NIPSNAP1: variants seen among roughly 807,000 people sequenced by gnomAD.
The protein encoded by NIPSNAP1 is nipsnap homolog 1.
A neutral mutation model predicts 49.2 loss-of-function variants in NIPSNAP1; 25 were observed. The ratio of observed to expected loss-of-function variants is 0.51; its 90% CI spans 0.37 to 0.71. The LOEUF (loss-of-function observed/expected upper bound fraction) is 0.71, where lower values mean the gene tolerates loss of function less well. NIPSNAP1 is among the 30% of genes least tolerant of loss of function. NIPSNAP1 has a pLI of 0.00. For missense variants in NIPSNAP1, 294 were observed against 361.0 expected, an observed-to-expected ratio of 0.81 and a Z score of 1.50; for synonymous variants, 143 against 140.7, an observed-to-expected ratio of 1.02 and a Z score of -0.12.
At chr22:29,569,997 AAGAAAGAG>A (rs764709948) in intron 3 of NIPSNAP1, 157 bp downstream of exon 3, 56 of 688,610 alleles carry the variant, frequency 8.1e-5, no homozygotes, top group Middle Eastern at 7.6e-4. Context: ...CTCAAAAAAA[AAGAAAGAG>A]AGAAAGAAAG....
At chr22:29,577,054 A>G (rs2064458088) in intron 1 of NIPSNAP1, among the ~76,000 whole-genome samples, 1 of 150,786 alleles carries the variant, frequency 6.6e-6, no homozygotes, top group South Asian at 2.1e-4. Flanking sequence ...CCAGGTTTTG[A>G]TCCTAGCTCA....
At position 29,574,506 on chromosome 22, in the gene NIPSNAP1, C is replaced by T. The variant is rs113589301; in HGVS notation, c.99-3974G>A. 1.3e-3 allele frequency among the ~76,000 whole-genome samples: 190 copies of T among 150,746 alleles called. 3 individuals carry two copies. In the Middle Eastern group the frequency reaches 0.014, roughly 11 times the overall value. ...CAAAAAGACAATTATCAGCCTGGTG[C>T]GGTGGCTCATGCCTGTAATCCCAGC... On this transcript the variant is annotated intron_variant, in intron 1 of 9. Transcript: ENST00000216121.
chr22:29,564,028 A>G (rs1311282772), intron 4 of NIPSNAP1, among the ~76,000 whole-genome samples: 3 of 152,222 alleles, frequency 2.0e-5, no homozygotes, highest in Non-Finnish European at 4.4e-5. Flanking sequence ...CAGGAAACTA[A>G]TCTAATTCCT....
intron 8 of NIPSNAP1, among the ~76,000 whole-genome samples, chr22:29,559,358 T>C (rs1569244890): frequency 1.3e-5 from 2 of 152,002 alleles, no homozygotes; most frequent in East Asian, 1.9e-4. Context: ...CTGGCCAACA[T>C]AGCGAAACTC....
At chr22:29,559,654 G>A (rs1405946377) in intron 8 of NIPSNAP1, among the ~76,000 whole-genome samples, 2 of 151,918 alleles carry the variant, frequency 1.3e-5, no homozygotes, top group East Asian at 3.9e-4. Context: ...GCTCAAGCAC[G>A]AGCCTGGGAG....
intron 2 of NIPSNAP1, 35 bp from the exon 3 acceptor site, chr22:29,570,242 G>C (rs948664296): frequency 6.2e-7 from 1 of 1,612,056 alleles, no homozygotes; most frequent in African/African-American, 1.3e-5. Flanking sequence ...AAGTGAGGTA[G>C]GGTGTGTACA....
rs1161486745 is a variant in NIPSNAP1, at chr22:29,560,780, G to T, written c.660C>A (p.Gly220=). The part of the protein sequence containing the change: ...YRQENQEAVG[G]FFSQIGELYV... ...AGAGCTCTCCTATCTGTGAGAAGAA[G>T]CCGCCCACTGCCTCCTGGTTCTCCT... is the stretch of plus-strand genomic sequence containing the variant. The change falls in exon 8 of 10, where the codon GGC becomes GGA. Residue 220 remains glycine, a synonymous_variant. Transcript: ENST00000216121. The T allele has an allele frequency of 1.9e-6, 3 of 1,613,984 alleles. No homozygotes were observed. Among genetic ancestry groups the T allele is most frequent in the Non-Finnish European group, 2.5e-6 (3 of 1,180,030 alleles).
intron 4 of NIPSNAP1, among the ~76,000 whole-genome samples, chr22:29,568,178 C>CAAAAAAA (rs33974680): frequency 4.9e-5 from 2 of 40,630 alleles, no homozygotes; most frequent in Non-Finnish European, 7.9e-5. Context: ...GACCCTGTCT[C>CAAAAAAA]AAAAAAAAAA....
At chr22:29,569,106 A>C (rs1364959427) in intron 4 of NIPSNAP1, 87 bp downstream of exon 4, 1 of 1,004,908 alleles carries the variant, frequency 1.0e-6, no homozygotes, top group Non-Finnish European at 1.6e-6. Flanking sequence ...GCTGTTGTGG[A>C]GAGGGAGTGG....
At chr22:29,558,808 G>T in intron 9 of NIPSNAP1, 62 bp downstream of exon 9, 1 of 1,204,294 alleles carries the variant, frequency 8.3e-7, no homozygotes, top group Non-Finnish European at 1.2e-6. Flanking sequence ...AGATCTCCTT[G>T]CAGAGAGGAT....
chr22:29,576,766 A>C (rs1020984400), intron 1 of NIPSNAP1, among the ~76,000 whole-genome samples: 6 of 151,234 alleles, frequency 4.0e-5, no homozygotes, highest in African/African-American at 1.2e-4. Context: ...TGTACTAAAA[A>C]TACAAAAAAT....
intron 1 of NIPSNAP1, chr22:29,579,903 C>A: frequency 2.7e-6 from 1 of 374,774 alleles, no homozygotes; most frequent in Non-Finnish European, 5.2e-6. Context: ...CAGCTTTATC[C>A]CTAATTATTG....
intron 1 of NIPSNAP1, among the ~76,000 whole-genome samples, chr22:29,575,569 A>G (rs1056942210): frequency 6.6e-6 from 1 of 152,164 alleles, no homozygotes; most frequent in African/African-American, 2.4e-5. Flanking sequence ...GACCTCCCCA[A>G]GCCCTCTCTT....
intron 1 of NIPSNAP1, among the ~76,000 whole-genome samples, chr22:29,570,975 C>T (rs1382679086): frequency 6.6e-6 from 1 of 152,060 alleles, no homozygotes; most frequent in Non-Finnish European, 1.5e-5. Context: ...ACCTCACTCT[C>T]CAGGTGTGCT....
At chr22:29,565,721 C>T (rs1215971982) in intron 4 of NIPSNAP1, among the ~76,000 whole-genome samples, 1 of 151,888 alleles carries the variant, frequency 6.6e-6, no homozygotes, top group African/African-American at 2.4e-5. Context: ...TGATGGCACA[C>T]GCCTGTAGTC....
intron 1 of NIPSNAP1, among the ~76,000 whole-genome samples, chr22:29,573,518 C>T (rs781184463): frequency 7.9e-5 from 12 of 151,824 alleles, no homozygotes; most frequent in Non-Finnish European, 1.3e-4. Context: ...CCTGTAATCC[C>T]AACACTTTAG....
Position 29,561,650 on chromosome 22 carries a change from T to C in NIPSNAP1, c.439-4A>G, listed in dbSNP as rs2064336663. On this transcript the variant is annotated splice_polypyrimidine_tract_variant and splice_region_variant and intron_variant, in intron 5 of 9. Coordinates refer to ENST00000216121, the MANE Select transcript of NIPSNAP1 (RefSeq NM_003634.4). Reference sequence around the variant, plus strand: ...CCCTTCGGAACTCCAGGTACTCCTGTGGGCATGGTGGTAAAGGCATGGCTA... The same window carrying C: ...CCCTTCGGAACTCCAGGTACTCCTGCGGGCATGGTGGTAAAGGCATGGCTA... 1.2e-5 allele frequency: 20 copies of C among 1,614,022 alleles called. No homozygotes were observed. Among genetic ancestry groups the C allele is most frequent in the Non-Finnish European group, 1.6e-5 (19 of 1,180,028 alleles).
chr22:29,570,661 G>T, intron 1 of NIPSNAP1, 129 bp from the exon 2 acceptor site: 1 of 1,226,276 alleles, frequency 8.2e-7, no homozygotes, highest in Non-Finnish European at 1.1e-6. Flanking sequence ...GGAGTCCTGT[G>T]GCAGCTCCAG....
At chr22:29,566,938 A>G (rs1473360909) in intron 4 of NIPSNAP1, among the ~76,000 whole-genome samples, 2 of 152,192 alleles carry the variant, frequency 1.3e-5, no homozygotes, top group African/African-American at 2.4e-5. Flanking sequence ...CCTGACCAAC[A>G]TGGTGAAACC....
Sources: gnomAD v4.1 joint callset for allele counts (sites outside exome capture counted in the v4.1 genomes callset) on GRCh38, gnomAD v4.1.1 for gene constraint, MANE v1.5 for transcripts, NCBI Gene and HGNC (gene_info 2026-07-23, HGNC 2026-07-21) for gene names.